The following RCAN2 variants were observed in gnomAD, a reference collection of about 807,000 sequenced individuals.
The protein encoded by RCAN2 is regulator of calcineurin 2.
RCAN2 carries 9 observed loss-of-function variants against 23.6 expected under a neutral mutation model. The observed-to-expected ratio is 0.38, with a 90% CI of 0.23 to 0.67. The LOEUF (loss-of-function observed/expected upper bound fraction) is 0.67, where lower values mean the gene tolerates loss of function less well. RCAN2 is among the 30% of genes least tolerant of loss of function. The probability of loss-of-function intolerance (pLI) is 0.51; values close to 1 mark genes in which losing one functional copy is unlikely to be tolerated. For synonymous variants in RCAN2, 109 were observed against 115.7 expected (o/e 0.94, Z 0.37); for missense variants, 273 against 302.3 (o/e 0.90, Z 0.72).
intron 2 of RCAN2, among the ~76,000 whole-genome samples, chr6:46,382,552 C>T (rs889915504): frequency 6.6e-6 from 1 of 152,184 alleles, no homozygotes; most frequent in Non-Finnish European, 1.5e-5. Flanking sequence ...TTCAGCAAAA[C>T]AAACTCCAGG....
At position 46,264,694 on chromosome 6, in the gene RCAN2, A is replaced by G. The variant is rs535572841; in HGVS notation, c.226-15798T>C. 6.7e-4 allele frequency among the ~76,000 whole-genome samples: 102 copies of G among 152,326 alleles called. No homozygotes were observed. In the South Asian group the frequency reaches 0.021, roughly 31 times the overall value. On this transcript the variant is annotated intron_variant, in intron 2 of 4. Transcript: ENST00000371374. The stretch of plus-strand genomic sequence containing the variant: ...AATTGAAACATGACAGTCTACATCT[A>G]TCATGGCTGAAGTGGATTTACTAGA...
intron 2 of RCAN2, among the ~76,000 whole-genome samples, chr6:46,413,924 T>A (rs1766624158): frequency 6.6e-6 from 1 of 152,114 alleles, no homozygotes. Context: ...TGAGTTTTCT[T>A]CTCTATTAGT....
intron 2 of RCAN2, among the ~76,000 whole-genome samples, chr6:46,416,380 A>T (rs1483819319): frequency 6.8e-6 from 1 of 147,838 alleles, no homozygotes; most frequent in African/African-American, 2.5e-5. Context: ...CTAGTATGGT[A>T]CCTTCTTCCT....
chr6:46,318,540 G>C (rs1763515712), intron 2 of RCAN2, among the ~76,000 whole-genome samples: 1 of 152,036 alleles, frequency 6.6e-6, no homozygotes, highest in Non-Finnish European at 1.5e-5. Flanking sequence ...CACTCCCAGG[G>C]GAGTTTCCTT....
At chr6:46,324,450 CTTAAG>C (rs1763724415) in intron 2 of RCAN2, among the ~76,000 whole-genome samples, 1 of 152,166 alleles carries the variant, frequency 6.6e-6, no homozygotes, top group South Asian at 2.1e-4. Context: ...AGGGTTTTTC[CTTAAG>C]TTAAGACTAA....
chr6:46,284,512 T>C lies in RCAN2; in HGVS notation c.226-35616A>G, dbSNP rs1161689415. Among the ~76,000 whole-genome samples, 4 of 152,326 alleles carry C rather than the reference T, an allele frequency of 2.6e-5. No individual in the cohort carries two copies. The East Asian group carries it at 7.7e-4, about 29-fold the overall frequency. Reference sequence around the variant, plus strand: ...TAATAAAACCCAATAGACCAGAATGTGTAGTTTGCAGGAGCTCCCCAGGTG... The same window carrying C: ...TAATAAAACCCAATAGACCAGAATGCGTAGTTTGCAGGAGCTCCCCAGGTG... On this transcript the variant is annotated intron_variant, in intron 2 of 4. Coordinates refer to ENST00000371374, the MANE Select transcript of RCAN2 (RefSeq NM_001251974.2).
chr6:46,411,979 A>G (rs1766563799), intron 2 of RCAN2, among the ~76,000 whole-genome samples: 1 of 152,172 alleles, frequency 6.6e-6, no homozygotes, highest in African/African-American at 2.4e-5. Context: ...GTGTTATGTA[A>G]AGGTCTCTCT....
chr6:46,324,230 A>C (rs1430868151), intron 2 of RCAN2, among the ~76,000 whole-genome samples: 1 of 152,224 alleles, frequency 6.6e-6, no homozygotes, highest in East Asian at 1.9e-4. Context: ...CAGGTGGTAG[A>C]CATTTCCATG....
intron 2 of RCAN2, among the ~76,000 whole-genome samples, chr6:46,304,514 C>G (rs1763003991): frequency 6.6e-6 from 1 of 152,030 alleles, no homozygotes; most frequent in South Asian, 2.1e-4. Flanking sequence ...AATCTTGTAT[C>G]TTTAAACTCA....
At chr6:46,310,081 C>T (rs1763206420) in intron 2 of RCAN2, among the ~76,000 whole-genome samples, 1 of 152,074 alleles carries the variant, frequency 6.6e-6, no homozygotes, top group Non-Finnish European at 1.5e-5. Context: ...GTTTCCCATC[C>T]TTTGGGTGTT....
At chr6:46,226,970 T>G in intron 4 of RCAN2, among the ~76,000 whole-genome samples, 1 of 152,230 alleles carries the variant, frequency 6.6e-6, no homozygotes. Flanking sequence ...CATCAATACC[T>G]AATTTATTGA....
Position 46,246,758 on chromosome 6 carries a change from T to A in RCAN2, c.561A>T (p.Lys187Asn). ...LNYDLLYAVA[K>N]LGPGEKYELH... is the part of the protein sequence containing the mutation. Reference sequence around the variant, plus strand: ...GACCGCAAAGCTTACCTGGTCCTAGTTTGGCCACAGCATAGAGGAGGTCAT... The same window carrying A: ...GACCGCAAAGCTTACCTGGTCCTAGATTGGCCACAGCATAGAGGAGGTCAT... The change falls in exon 4 of 5, where the codon AAA becomes AAT. Residue 187 changes from lysine to asparagine, a missense_variant. Coordinates refer to ENST00000371374, the MANE Select transcript of RCAN2 (RefSeq NM_001251974.2). The A allele has an allele frequency of 6.2e-7, 1 of 1,613,028 alleles. No homozygotes were observed. Among genetic ancestry groups the A allele is most frequent in the South Asian group, 1.1e-5 (1 of 90,994 alleles).
chr6:46,326,180 G>T lies in RCAN2; in HGVS notation c.226-77284C>A, dbSNP rs140952879. Reference sequence around the variant, plus strand: ...CTGTCATTTAGGGAGCATGGTAAGAGGAGATAATTAGAGGTTTGTGGAAAT... The same window carrying T: ...CTGTCATTTAGGGAGCATGGTAAGATGAGATAATTAGAGGTTTGTGGAAAT... On this transcript the variant is annotated intron_variant, in intron 2 of 4. Transcript: ENST00000371374. 2.1e-3 allele frequency among the ~76,000 whole-genome samples: 327 copies of T among 152,308 alleles called. 1 individual carries two copies. The highest frequency in any genetic ancestry group is 4.1e-3 in the Non-Finnish European group (276 of 68,018).
At chr6:46,453,267 C>T (rs1767929789) in intron 2 of RCAN2, among the ~76,000 whole-genome samples, 1 of 152,214 alleles carries the variant, frequency 6.6e-6, no homozygotes, top group South Asian at 2.1e-4. Context: ...AATATTTATA[C>T]TTCAAGCTGT....
At chr6:46,227,800 T>G (rs1320582330) in intron 4 of RCAN2, among the ~76,000 whole-genome samples, 1 of 152,232 alleles carries the variant, frequency 6.6e-6, no homozygotes, top group East Asian at 1.9e-4. Flanking sequence ...TCTGCTCTGA[T>G]CTTAGCCTTC....
chr6:46,417,640 G>A (rs1170307707), intron 2 of RCAN2, among the ~76,000 whole-genome samples: 3 of 152,090 alleles, frequency 2.0e-5, no homozygotes, highest in Admixed American at 6.5e-5. Flanking sequence ...CAGGAGCTGG[G>A]GTAAAACACT....
At chr6:46,459,958 CAG>C (rs1238527109) in intron 1 of RCAN2, among the ~76,000 whole-genome samples, 2 of 152,020 alleles carry the variant, frequency 1.3e-5, no homozygotes, top group Non-Finnish European at 2.9e-5. Flanking sequence ...CCCAAATAAA[CAG>C]AAGGAAATTC....
rs545607654 is a variant in RCAN2, at chr6:46,355,412, G to A, written c.225+101340C>T. ...GAGGCTGGGAATGAGGCTCCAGCTC[G>A]ACTGGTCAAGGAAGCCTGCCACCTG... On this transcript the variant is annotated intron_variant, in intron 2 of 4. Transcript: ENST00000371374. Among the ~76,000 whole-genome samples the A allele has an allele frequency of 2.5e-4, 38 of 152,256 alleles. 1 individual carries two copies. In the South Asian group the frequency reaches 6.6e-3, roughly 27 times the overall value.
At chr6:46,297,817 A>T (rs1309083148) in intron 2 of RCAN2, among the ~76,000 whole-genome samples, 1 of 152,134 alleles carries the variant, frequency 6.6e-6, no homozygotes, top group Non-Finnish European at 1.5e-5. Context: ...GTTCAAATTA[A>T]AGTCTAGTTT....
Sources: gnomAD v4.1 joint callset for allele counts (sites outside exome capture counted in the v4.1 genomes callset) on GRCh38, gnomAD v4.1.1 for gene constraint, MANE v1.5 for transcripts, NCBI Gene and HGNC (gene_info 2026-07-23, HGNC 2026-07-21) for gene names.